Variants in PCLO observed in about 807,000 individuals in gnomAD.
PCLO encodes piccolo presynaptic cytomatrix protein.
In PCLO, 82 loss-of-function variants were observed where a neutral mutation model predicts 427.5. The ratio of observed to expected loss-of-function variants is 0.19; its 90% CI spans 0.16 to 0.23. The LOEUF is 0.23. Ranked by LOEUF, PCLO falls within the 10% of genes least tolerant of loss-of-function variation. The probability of loss-of-function intolerance (pLI) is 1.00; values close to 1 mark genes in which losing one functional copy is unlikely to be tolerated. For synonymous variants in PCLO, 2,357 were observed against 2,155.4 expected, an observed-to-expected ratio of 1.09 and a Z score of -2.59; for missense variants, 6,239 against 6,115.9, an observed-to-expected ratio of 1.02 and a Z score of -0.67.
chr7:82,892,212 C>T (rs760332655), intron 9 of PCLO, among the ~76,000 whole-genome samples: 23 of 152,112 alleles, frequency 1.5e-4, no homozygotes, highest in Non-Finnish European at 1.8e-4. Flanking sequence ...CAACATGGTA[C>T]TGGTACCAAA....
chr7:83,029,275 AC>A (rs760273028), intron 3 of PCLO, among the ~76,000 whole-genome samples: 32 of 150,974 alleles, frequency 2.1e-4, no homozygotes, highest in South Asian at 4.2e-4. Flanking sequence ...AAAAAAAAAA[AC>A]AACCCCATCA....
intron 8 of PCLO, among the ~76,000 whole-genome samples, chr7:82,904,318 CTT>C (rs1794129062): frequency 1.3e-5 from 2 of 151,688 alleles, no homozygotes; most frequent in South Asian, 2.1e-4. Context: ...TCACTCTTTC[CTT>C]TCTCTCTGTT....
At chr7:83,107,310 T>TA in intron 3 of PCLO, among the ~76,000 whole-genome samples, 1 of 152,298 alleles carries the variant, frequency 6.6e-6, no homozygotes, top group Middle Eastern at 3.4e-3. Context: ...CCATTGGAGT[T>TA]AAGTGTTGTA....
intron 20 of PCLO, among the ~76,000 whole-genome samples, chr7:82,806,267 A>G (rs1791455604): frequency 2.0e-5 from 3 of 152,144 alleles, no homozygotes; most frequent in Admixed American, 2.0e-4. Context: ...CTATTACTAG[A>G]CTATAATCTG....
rs1380779400 is a variant in PCLO at position 82,999,295 on chromosome 7, T to A, written c.3301-32808A>T. ...ATATTAAATATATATGGATATATAA[T>A]ATTATATATTAAATATATATGGATA... is the stretch of plus-strand genomic sequence containing the variant. On this transcript the variant is annotated intron_variant, in intron 3 of 24. Transcript: ENST00000333891. 5.6e-5 allele frequency among the ~76,000 whole-genome samples: 8 copies of A among 142,542 alleles called. No individual in the cohort carries two copies. In the East Asian group the frequency reaches 1.4e-3, roughly 26 times the overall value. 93.5% of individuals were successfully genotyped at this position (142,542 alleles called of 152,430 possible).
intron 10 of PCLO, among the ~76,000 whole-genome samples, chr7:82,862,033 T>C (rs1468309028): frequency 1.3e-5 from 2 of 151,700 alleles, no homozygotes; most frequent in African/African-American, 4.8e-5. Flanking sequence ...AAAAATCTAA[T>C]GACGCATCTT....
At chr7:82,769,480 G>C (rs1438298109) in intron 22 of PCLO, among the ~76,000 whole-genome samples, 3 of 151,974 alleles carry the variant, frequency 2.0e-5, no homozygotes, top group Non-Finnish European at 2.9e-5. Context: ...CACTTAACTG[G>C]ACATAGTATA....
chr7:83,038,540 A>G (rs751114483), intron 3 of PCLO, among the ~76,000 whole-genome samples: 1 of 151,910 alleles, frequency 6.6e-6, no homozygotes, highest in Non-Finnish European at 1.5e-5. Context: ...AGATTCACCT[A>G]TGCTTTTGCT....
chr7:83,109,441 A>T (rs1273362456), intron 3 of PCLO, among the ~76,000 whole-genome samples: 1 of 152,044 alleles, frequency 6.6e-6, no homozygotes, highest in Admixed American at 6.6e-5. Context: ...CCTCTTTGAA[A>T]TCTCTATTGT....
intron 20 of PCLO, among the ~76,000 whole-genome samples, chr7:82,819,502 TGAA>T (rs1295575192): frequency 3.3e-5 from 5 of 151,890 alleles, no homozygotes; most frequent in African/African-American, 1.2e-4. Context: ...GTGAATAACA[TGAA>T]GAAATCAACT....
chr7:82,859,064 T>C (rs1343125629), intron 10 of PCLO, among the ~76,000 whole-genome samples: 1 of 152,182 alleles, frequency 6.6e-6, no homozygotes, highest in Non-Finnish European at 1.5e-5. Context: ...TTTGGTTGTT[T>C]GAGGGCCAGC....
chr7:83,117,474 T>G (rs1423958679), intron 3 of PCLO, among the ~76,000 whole-genome samples: 1 of 152,240 alleles, frequency 6.6e-6, no homozygotes, highest in East Asian at 1.9e-4. Flanking sequence ...TGCAAGGTCT[T>G]GGCCACTTTT....
chr7:82,941,599 A>G (rs1021782202), intron 6 of PCLO, among the ~76,000 whole-genome samples: 2 of 151,938 alleles, frequency 1.3e-5, no homozygotes, highest in Admixed American at 6.5e-5. Context: ...AAGCAACTGC[A>G]TGTGAAAATA....
intron 3 of PCLO, among the ~76,000 whole-genome samples, chr7:83,075,874 G>A (rs1789938462): frequency 6.6e-6 from 1 of 151,912 alleles, no homozygotes. Context: ...ATCTTTTATA[G>A]TTTACCAGGA....
intron 22 of PCLO, among the ~76,000 whole-genome samples, chr7:82,764,685 A>T (rs907160995): frequency 6.6e-6 from 1 of 151,910 alleles, no homozygotes; most frequent in Non-Finnish European, 1.5e-5. Context: ...GCCAAAATGC[A>T]GCAAATAAGA....
At chr7:83,024,494 GAGA>G (rs1562925553) in intron 3 of PCLO, among the ~76,000 whole-genome samples, 1 of 152,170 alleles carries the variant, frequency 6.6e-6, no homozygotes, top group Non-Finnish European at 1.5e-5. Context: ...ACGGCAGTCT[GAGA>G]TCAGACTGCA....
chr7:82,865,864 T>C (rs1325596635), intron 10 of PCLO, among the ~76,000 whole-genome samples: 1 of 152,176 alleles, frequency 6.6e-6, no homozygotes, highest in East Asian at 1.9e-4. Flanking sequence ...TCCTTGCTTC[T>C]ACTCTTTACC....
chr7:83,133,943 A>C (rs1791639439), intron 3 of PCLO, among the ~76,000 whole-genome samples: 1 of 151,680 alleles, frequency 6.6e-6, no homozygotes, highest in African/African-American at 2.4e-5. Context: ...CTCAAAAGCT[A>C]TTATTTTTTT....
rs1051957397 is a variant in PCLO, at chr7:82,841,621, A to G, written c.14047-112T>C. 1.3e-5 allele frequency: 9 copies of G among 682,746 alleles called. No individual in the cohort carries two copies. The African/African-American group carries it at 1.6e-4, about 13-fold the overall frequency. The allele number at this position is 682,746 out of a possible 1,614,324, so 42.3% of individuals were successfully genotyped here. ...ATTTGGTCAGAGCAACTGCTTGGAA[A>G]ATATATTTTATCCATTTGGCTGCTT... On this transcript the variant is annotated intron_variant, in intron 13 of 24. Coordinates refer to ENST00000333891, the MANE Select transcript of PCLO (RefSeq NM_033026.6).
Sources: gnomAD v4.1 joint callset for allele counts (sites outside exome capture counted in the v4.1 genomes callset) on GRCh38, gnomAD v4.1.1 for gene constraint, MANE v1.5 for transcripts, NCBI Gene and HGNC (gene_info 2026-07-23, HGNC 2026-07-21) for gene names.